Variants in EPHB2 observed in about 807,000 individuals in gnomAD.
EPHB2 encodes the protein EPH receptor B2, also known as ephrin type-B receptor 2.
In EPHB2, 18 loss-of-function variants were observed where a neutral mutation model predicts 96.4. The observed-to-expected ratio is 0.19, with a 90% CI of 0.13 to 0.28. The LOEUF (loss-of-function observed/expected upper bound fraction) is 0.28, where lower values mean the gene tolerates loss of function less well. Ranked by LOEUF, EPHB2 falls within the 10% of genes least tolerant of loss-of-function variation. The pLI is 1.00. For synonymous variants in EPHB2, 506 were observed against 534.1 expected (o/e 0.95, Z 0.72); for missense variants, 989 against 1,355.4 (o/e 0.73, Z 4.25).
intron 4 of EPHB2, among the ~76,000 whole-genome samples, chr1:22,864,473 G>T (rs1638397976): frequency 6.6e-6 from 1 of 152,192 alleles, no homozygotes; most frequent in Non-Finnish European, 1.5e-5. Flanking sequence ...TAAAGAAACA[G>T]CCCTAGTCAA....
At chr1:22,758,533 G>T (rs1159012966) in intron 1 of EPHB2, among the ~76,000 whole-genome samples, 1 of 152,112 alleles carries the variant, frequency 6.6e-6, no homozygotes, top group East Asian at 1.9e-4. Flanking sequence ...TCCCAGGACA[G>T]CCACAAAGCA....
chr1:22,788,330 A>G lies in EPHB2; in HGVS notation c.811+3254A>G, dbSNP rs1570277816. 2.0e-5 allele frequency among the ~76,000 whole-genome samples: 3 copies of G among 152,262 alleles called. No homozygotes were observed. The East Asian group carries it at 5.8e-4, about 29-fold the overall frequency. ...ACTCTCATCTTCCCCTGGACCTGAA[A>G]GCCTCCCCAAGGCCTCAGCCCAGCC... On this transcript the variant is annotated intron_variant, in intron 3 of 15. Coordinates refer to ENST00000374630, the MANE Select transcript of EPHB2 (RefSeq NM_017449.5).
rs779486869 is a variant in EPHB2 at position 22,895,589 on chromosome 1, G to A, written c.1700+9G>A. 1.2e-6 allele frequency: 2 copies of A among 1,613,888 alleles called. No individual in the cohort carries two copies. The highest frequency in any genetic ancestry group is 2.2e-5 in the East Asian group (1 of 44,886). ...GCCATCGTGTGTAACAGGTGGGTGG[G>A]GTCTCCAGGCTTGGCCAGGCCTGGC... On this transcript the variant is annotated intron_variant, in intron 8 of 15. Transcript: ENST00000374630.
At chr1:22,852,728 G>A (rs774270166) in intron 3 of EPHB2, among the ~76,000 whole-genome samples, 5 of 152,244 alleles carry the variant, frequency 3.3e-5, no homozygotes, top group Non-Finnish European at 7.3e-5. Context: ...GGAACACACA[G>A]CAGTCATGAA....
At chr1:22,912,357 C>A in intron 14 of EPHB2, 87 bp from the exon 15 acceptor site, 1 of 1,570,696 alleles carries the variant, frequency 6.4e-7, no homozygotes, top group Non-Finnish European at 8.7e-7. Context: ...CGTGCACATT[C>A]ACGCATACGC....
intron 3 of EPHB2, among the ~76,000 whole-genome samples, chr1:22,803,042 G>A (rs1379661097): frequency 6.6e-6 from 1 of 152,120 alleles, no homozygotes; most frequent in African/African-American, 2.4e-5. Flanking sequence ...GAGTCCCAGA[G>A]GCCTTTCTAG....
At chr1:22,835,696 A>G (rs567571500) in intron 3 of EPHB2, 14 of 152,276 alleles carry the variant, frequency 9.2e-5, no homozygotes, top group Admixed American at 4.6e-4. Flanking sequence ...TTTATTCCAT[A>G]TGGGAATGGG....
chr1:22,850,340 A>G (rs1407963678), intron 3 of EPHB2, among the ~76,000 whole-genome samples: 1 of 152,194 alleles, frequency 6.6e-6, no homozygotes, highest in Admixed American at 6.5e-5. Context: ...AACAAGGTAC[A>G]GTGGATGGCC....
Position 22,909,190 on chromosome 1 carries a change from A to G in EPHB2, c.2502+19A>G. The stretch of plus-strand genomic sequence containing the variant: ...CCAGGATGTAAGTCTCCAAGGGGAT[A>G]GGCAAGGCCTCTCTGGCCCACCAGA... On this transcript the variant is annotated intron_variant, in intron 13 of 15. Transcript: ENST00000374630. The G allele has an allele frequency of 6.2e-7, 1 of 1,614,142 alleles. No individual in the cohort carries two copies.
intron 1 of EPHB2, among the ~76,000 whole-genome samples, chr1:22,718,399 TTTTGAGACAGAGTATTGC>T: frequency 6.7e-6 from 1 of 148,740 alleles, no homozygotes; most frequent in Non-Finnish European, 1.5e-5. Context: ...TTTTTTTTTT[TTTTGAGACAGAGTATTGC>T]TCTTGTTGCC....
intron 1 of EPHB2, among the ~76,000 whole-genome samples, chr1:22,748,099 C>T (rs1357509697): frequency 6.6e-6 from 1 of 152,176 alleles, no homozygotes; most frequent in Non-Finnish European, 1.5e-5. Flanking sequence ...TCCTCTCTGG[C>T]CTTAGTTTCC....
chr1:22,763,217 C>T (rs1644259371), intron 1 of EPHB2, among the ~76,000 whole-genome samples: 1 of 152,200 alleles, frequency 6.6e-6, no homozygotes, highest in South Asian at 2.1e-4. Flanking sequence ...GGTTGCTTCA[C>T]TTCTCTGGGC....
chr1:22,792,187 G>T (rs892067611), intron 3 of EPHB2, among the ~76,000 whole-genome samples: 1 of 152,036 alleles, frequency 6.6e-6, no homozygotes, highest in African/African-American at 2.4e-5. Context: ...AGTGTCTGGG[G>T]GAGTCTGCGG....
At chr1:22,777,262 T>G (rs1467636042) in intron 1 of EPHB2, among the ~76,000 whole-genome samples, 1 of 152,126 alleles carries the variant, frequency 6.6e-6, no homozygotes, top group Non-Finnish European at 1.5e-5. Flanking sequence ...GAGTGCAGCT[T>G]GAGGGTGGAA....
intron 1 of EPHB2, among the ~76,000 whole-genome samples, chr1:22,711,919 C>T (rs1039817756): frequency 1.3e-5 from 2 of 152,234 alleles, no homozygotes; most frequent in African/African-American, 4.8e-5. Flanking sequence ...CCAGCTTGCT[C>T]TGGAGGGAAA....
chr1:22,865,797 G>A (rs549995813), intron 5 of EPHB2, among the ~76,000 whole-genome samples: 11 of 152,292 alleles, frequency 7.2e-5, no homozygotes, highest in African/African-American at 2.4e-4. Context: ...GTCATCTCTT[G>A]CAGCCTAACT....
intron 1 of EPHB2, among the ~76,000 whole-genome samples, chr1:22,767,600 C>T (rs1302522698): frequency 6.6e-6 from 1 of 152,196 alleles, no homozygotes; most frequent in Non-Finnish European, 1.5e-5. Context: ...GTCGTAGGTG[C>T]TCAGTAAATG....
rs144588101 is a variant in EPHB2, at chr1:22,836,456, G to A, written c.812-26581G>A. Among the ~76,000 whole-genome samples the A allele has an allele frequency of 5.8e-4, 88 of 152,358 alleles. 2 individuals carry two copies. The East Asian group carries it at 0.016, about 27-fold the overall frequency. On this transcript the variant is annotated intron_variant, in intron 3 of 15. Transcript: ENST00000374630. ...GGCATGTATTTTGGTACATTGATCC[G>A]TAGAAGCCGTAGAATGTTGTGCGTT...
In EPHB2 at chr1:22,864,990, A is replaced by G. The variant is rs56180036; in HGVS notation, c.1081A>G (p.Ile361Val). ...GGREDLVYNI[I>V]CKSCGSGRGA... ...CCGAGAGGACCTCGTCTACAACATC[A>G]TCTGCAAGAGCTGTGGCTCGGGCCG... The change falls in exon 5 of 16, where the codon ATC becomes GTC. Residue 361 changes from isoleucine to valine, a missense_variant. Transcript: ENST00000374630. The G allele has an allele frequency of 6.9e-4, 1,114 of 1,609,916 alleles. No homozygotes were observed. Among genetic ancestry groups the G allele is most frequent in the Non-Finnish European group, 8.7e-4 (1,024 of 1,176,896 alleles).
Sources: allele counts gnomAD v4.1 joint callset (sites outside exome capture counted in the v4.1 genomes callset), GRCh38; gene constraint gnomAD v4.1.1; transcripts MANE v1.5; gene names NCBI Gene and HGNC (gene_info 2026-07-23, HGNC 2026-07-21).